LTBP1: variants seen among roughly 807,000 people sequenced by gnomAD.
LTBP1 encodes the protein latent transforming growth factor beta binding protein 1.
In LTBP1, 129 loss-of-function variants were observed where a neutral mutation model predicts 207.6. The ratio of observed to expected loss-of-function variants is 0.62; its 90% CI spans 0.54 to 0.72. The LOEUF (loss-of-function observed/expected upper bound fraction) is 0.72, where lower values mean the gene tolerates loss of function less well. Ranked by LOEUF, LTBP1 falls within the 30% of genes least tolerant of loss-of-function variation. The pLI, the probability that LTBP1 is intolerant of heterozygous loss-of-function variation, is 0.00. For missense variants in LTBP1, 2,281 were observed against 2,217.2 expected (o/e 1.03, Z -0.58); for synonymous variants, 963 against 833.7 (o/e 1.16, Z -2.67).
At chr2:33,269,434 T>C (rs2093265995) in intron 15 of LTBP1, among the ~76,000 whole-genome samples, 1 of 152,180 alleles carries the variant, frequency 6.6e-6, no homozygotes, top group Non-Finnish European at 1.5e-5. Flanking sequence ...AGGGCTGTCC[T>C]GTGAACCAGG....
At chr2:33,378,863 G>A (rs546791458) in intron 31 of LTBP1, among the ~76,000 whole-genome samples, 6 of 152,308 alleles carry the variant, frequency 3.9e-5, no homozygotes, top group South Asian at 2.1e-4. Context: ...CTTTTATGCC[G>A]CAGACAGATT....
At chr2:32,996,879 CTTTT>C in intron 2 of LTBP1, among the ~76,000 whole-genome samples, 1 of 151,980 alleles carries the variant, frequency 6.6e-6, no homozygotes, top group South Asian at 2.1e-4. Flanking sequence ...ATGGGTGGAA[CTTTT>C]TTTTGTTTTG....
intron 9 of LTBP1, among the ~76,000 whole-genome samples, chr2:33,239,352 G>C (rs1323536816): frequency 2.0e-5 from 3 of 152,142 alleles, no homozygotes; most frequent in African/African-American, 7.2e-5. Context: ...AATGGTGACT[G>C]GCTGTATGTG....
Position 33,193,486 on chromosome 2 carries a change from G to A in LTBP1, c.1701+4635G>A, listed in dbSNP as rs181055418. Among the ~76,000 whole-genome samples the A allele has an allele frequency of 3.9e-5, 6 of 152,214 alleles. No individual in the cohort carries two copies. In the East Asian group the frequency reaches 9.7e-4, roughly 25 times the overall value. The stretch of plus-strand genomic sequence containing the variant: ...AATAGATGAATGCTGAAAGTTTTAG[G>A]GGTGAAATTCCATGATGTTCGTAGT... On this transcript the variant is annotated intron_variant, in intron 7 of 33. Transcript: ENST00000404816.
intron 24 of LTBP1, among the ~76,000 whole-genome samples, chr2:33,334,364 T>A (rs138326483): frequency 1.3e-5 from 2 of 152,202 alleles, no homozygotes; most frequent in Admixed American, 1.3e-4. Flanking sequence ...GAGAACTATT[T>A]GATTGGACTG....
At chr2:33,396,933 C>T (rs925768057) in intron 32 of LTBP1, among the ~76,000 whole-genome samples, 200 bp from the exon 33 acceptor site, 1 of 152,182 alleles carries the variant, frequency 6.6e-6, no homozygotes, top group Non-Finnish European at 1.5e-5. Flanking sequence ...GGCTACTCTG[C>T]ACAAAATATA....
At chr2:32,984,944 C>G (rs1683318493) in intron 2 of LTBP1, among the ~76,000 whole-genome samples, 1 of 151,706 alleles carries the variant, frequency 6.6e-6, no homozygotes, top group Non-Finnish European at 1.5e-5. Flanking sequence ...AAAAACAAAA[C>G]AAAACAAAAC....
At chr2:33,193,193 G>C (rs1046646003) in intron 7 of LTBP1, among the ~76,000 whole-genome samples, 1 of 152,154 alleles carries the variant, frequency 6.6e-6, no homozygotes, top group African/African-American at 2.4e-5. Flanking sequence ...GCCCAAGCTG[G>C]AGTGCAGTGG....
intron 5 of LTBP1, among the ~76,000 whole-genome samples, chr2:33,181,745 A>G (rs1432996362): frequency 6.6e-6 from 1 of 152,224 alleles, no homozygotes; most frequent in Non-Finnish European, 1.5e-5. Flanking sequence ...TAGCCTTGTA[A>G]CCAGCGTACC....
intron 9 of LTBP1, among the ~76,000 whole-genome samples, chr2:33,228,785 C>A (rs531747992): frequency 1.4e-5 from 2 of 144,630 alleles, no homozygotes; most frequent in Non-Finnish European, 3.0e-5. Flanking sequence ...CTGCAATCTC[C>A]GCCTCCTGGG....
intron 3 of LTBP1, among the ~76,000 whole-genome samples, chr2:33,048,506 G>A (rs1254249852): frequency 3.3e-5 from 5 of 152,152 alleles, no homozygotes; most frequent in African/African-American, 1.2e-4. Flanking sequence ...ACACTCAGAG[G>A]AGCATGAGAC....
rs557095739 is a variant in LTBP1, at chr2:33,064,997, G to T, written c.863+43791G>T. Among the ~76,000 whole-genome samples, 493 of 152,296 alleles carry T rather than the reference G, an allele frequency of 3.2e-3. 1 individual carries two copies. The highest frequency in any genetic ancestry group is 5.7e-3 in the Non-Finnish European group (391 of 68,026). On this transcript the variant is annotated intron_variant, in intron 3 of 33. Transcript: ENST00000404816. Reference sequence around the variant, plus strand: ...TTTTGTTCTAGGTTTTAGGGTGAAAGTATGTTATTTTACCAATCAGTATAA... The same window carrying T: ...TTTTGTTCTAGGTTTTAGGGTGAAATTATGTTATTTTACCAATCAGTATAA...
chr2:33,044,342 C>T (rs1308102912), intron 3 of LTBP1, among the ~76,000 whole-genome samples: 1 of 152,076 alleles, frequency 6.6e-6, no homozygotes, highest in Non-Finnish European at 1.5e-5. Flanking sequence ...TCAACTCCCA[C>T]TTACGAGTGA....
At position 33,246,054 on chromosome 2, in the gene LTBP1, TA is replaced by T. The variant is rs2092497480; in HGVS notation, c.1999+2273del. Among the ~76,000 whole-genome samples, 3 of 152,222 alleles carry T rather than the reference TA, an allele frequency of 2.0e-5. No homozygotes were observed. In the South Asian group the frequency reaches 6.2e-4, roughly 31 times the overall value. ...ATTGCCCAAATAATTCTGAACTTAT[TA>T]AACAACCATCCATTCTTATTTGAAA... On this transcript the variant is annotated intron_variant, in intron 10 of 33. Transcript: ENST00000404816.
chr2:33,055,101 C>A (rs562005273), intron 3 of LTBP1, among the ~76,000 whole-genome samples: 2 of 152,160 alleles, frequency 1.3e-5, no homozygotes, highest in Non-Finnish European at 2.9e-5. Flanking sequence ...TCTCTGATCT[C>A]GCTTTTCCTT....
intron 3 of LTBP1, among the ~76,000 whole-genome samples, chr2:33,044,473 C>A (rs960319551): frequency 1.3e-5 from 2 of 152,194 alleles, no homozygotes; most frequent in African/African-American, 4.8e-5. Context: ...CATAGCATTC[C>A]ATGGTGTATA....
intron 26 of LTBP1, among the ~76,000 whole-genome samples, chr2:33,352,321 G>A (rs184908167): frequency 3.3e-4 from 50 of 152,022 alleles, no homozygotes; most frequent in African/African-American, 1.0e-3. Flanking sequence ...TAGTAGAGAC[G>A]GGATTTCACC....
At chr2:32,956,015 TAA>T (rs1404956284) in intron 2 of LTBP1, among the ~76,000 whole-genome samples, 1 of 152,196 alleles carries the variant, frequency 6.6e-6, no homozygotes, top group Non-Finnish European at 1.5e-5. Context: ...TGTAGACTAT[TAA>T]GTGTACAATA....
chr2:33,312,276 A>G (rs977108448), intron 23 of LTBP1, among the ~76,000 whole-genome samples: 2 of 152,228 alleles, frequency 1.3e-5, no homozygotes, highest in African/African-American at 4.8e-5. Context: ...ACAGTGTGTG[A>G]TAGGCATAAA....
Sources: allele counts gnomAD v4.1 joint callset (sites outside exome capture counted in the v4.1 genomes callset), GRCh38; gene constraint gnomAD v4.1.1; transcripts MANE v1.5; gene names NCBI Gene and HGNC (gene_info 2026-07-23, HGNC 2026-07-21).